The following CACNA1C variants were observed in gnomAD, a reference collection of about 807,000 sequenced individuals.
The protein encoded by CACNA1C is voltage-dependent L-type calcium channel subunit alpha-1C.
In CACNA1C, 30 loss-of-function variants were observed where a neutral mutation model predicts 229.0. The observed-to-expected ratio is 0.13, with a 90% confidence interval of 0.10 to 0.18. CACNA1C has a LOEUF of 0.18. Ranked by LOEUF, CACNA1C falls within the 10% of genes least tolerant of loss-of-function variation. CACNA1C has a pLI of 1.00. For missense variants in CACNA1C, 1,658 were observed against 2,845.0 expected, an observed-to-expected ratio of 0.58 and a Z score of 9.49; for synonymous variants, 1,114 against 1,132.5, an observed-to-expected ratio of 0.98 and a Z score of 0.33.
At chr12:2,490,338 A>G (rs1025120786) in intron 6 of CACNA1C, among the ~76,000 whole-genome samples, 1 of 152,244 alleles carries the variant, frequency 6.6e-6, no homozygotes, top group African/African-American at 2.4e-5. Context: ...GTGATGTTTC[A>G]GGAACTGAGA....
At chr12:2,129,528 A>G (rs1391556233) in intron 3 of CACNA1C, among the ~76,000 whole-genome samples, 1 of 152,182 alleles carries the variant, frequency 6.6e-6, no homozygotes, top group Non-Finnish European at 1.5e-5. Flanking sequence ...TTCACTGTTT[A>G]TGTAATAGAA....
chr12:2,041,832 C>T (rs981500967), intron 1 of CACNA1C, among the ~76,000 whole-genome samples: 5 of 152,196 alleles, frequency 3.3e-5, no homozygotes, highest in African/African-American at 4.8e-5. Flanking sequence ...GTTCAGTGGC[C>T]GGGGCTGCCG....
At chr12:2,406,257 A>G (rs1407428267) in intron 3 of CACNA1C, among the ~76,000 whole-genome samples, 1 of 152,028 alleles carries the variant, frequency 6.6e-6, no homozygotes, top group Non-Finnish European at 1.5e-5. Flanking sequence ...GGCTTATCCT[A>G]TTTTGGCTTC....
intron 38 of CACNA1C, among the ~76,000 whole-genome samples, chr12:2,669,384 A>G (rs1285477586): frequency 6.6e-6 from 1 of 152,174 alleles, no homozygotes; most frequent in African/African-American, 2.4e-5. Context: ...AAGTTTACGA[A>G]TATGTGTTGG....
intron 2 of CACNA1C, among the ~76,000 whole-genome samples, chr12:2,119,215 A>G (rs895989922): frequency 6.6e-6 from 1 of 152,172 alleles, no homozygotes; most frequent in Admixed American, 6.5e-5. Context: ...TTTCTGCCTC[A>G]ATATTCACTA....
chr12:2,289,873 C>A (rs77734281), intron 3 of CACNA1C, among the ~76,000 whole-genome samples: 4 of 152,110 alleles, frequency 2.6e-5, no homozygotes, highest in Non-Finnish European at 5.9e-5. Flanking sequence ...AGGAAATTCG[C>A]GTCAAGTCAC....
chr12:2,295,308 A>AC (rs1251834073), intron 3 of CACNA1C, among the ~76,000 whole-genome samples: 5 of 152,026 alleles, frequency 3.3e-5, no homozygotes, highest in African/African-American at 1.2e-4. Flanking sequence ...ACCTCTGGCA[A>AC]CCCCAACTAA....
intron 3 of CACNA1C, among the ~76,000 whole-genome samples, chr12:2,379,676 G>C (rs930656316): frequency 6.6e-6 from 1 of 152,170 alleles, no homozygotes; most frequent in African/African-American, 2.4e-5. Context: ...TCATCTGGAA[G>C]TGACATTGAG....
At chr12:2,055,417 A>G (rs1470099728) in intron 1 of CACNA1C, among the ~76,000 whole-genome samples, 1 of 152,220 alleles carries the variant, frequency 6.6e-6, no homozygotes, top group East Asian at 1.9e-4. Context: ...TGTGGTAATA[A>G]TAGTGATTAT....
chr12:2,290,916 T>C (rs2093426916), intron 3 of CACNA1C, among the ~76,000 whole-genome samples: 1 of 152,222 alleles, frequency 6.6e-6, no homozygotes, highest in Non-Finnish European at 1.5e-5. Flanking sequence ...ATAGCCCTTC[T>C]GTGGCTTCCT....
intron 33 of CACNA1C, 70 bp from the exon 34 acceptor site, chr12:2,655,077 G>A (rs1409629990): frequency 1.1e-6 from 1 of 940,944 alleles, no homozygotes; most frequent in Non-Finnish European, 1.7e-6. Context: ...AGAGACCATT[G>A]AACAATGGTG....
chr12:2,648,590 T>G (rs2239127), intron 31 of CACNA1C, 83 bp downstream of exon 31: 8 of 1,261,408 alleles, frequency 6.3e-6, no homozygotes, highest in Middle Eastern at 1.9e-4. Context: ...AACTCCAGAG[T>G]CCCTGGGAGC....
At chr12:2,144,605 G>T (rs1440543923) in intron 3 of CACNA1C, among the ~76,000 whole-genome samples, 3 of 151,156 alleles carry the variant, frequency 2.0e-5, no homozygotes, top group Non-Finnish European at 4.4e-5. Context: ...AAAATGTTTA[G>T]GTTTGGGGTG....
intron 3 of CACNA1C, among the ~76,000 whole-genome samples, chr12:2,413,074 G>C (rs895158015): frequency 6.6e-6 from 1 of 152,242 alleles, no homozygotes; most frequent in African/African-American, 2.4e-5. Flanking sequence ...CTGGAGTGCA[G>C]TGGCGTGATC....
intron 3 of CACNA1C, among the ~76,000 whole-genome samples, chr12:2,190,494 C>T (rs1350596107): frequency 6.6e-6 from 1 of 152,184 alleles, no homozygotes; most frequent in Non-Finnish European, 1.5e-5. Flanking sequence ...TTCCACTAGG[C>T]CCTGCCAGCC....
chr12:2,503,333 T>C (rs1288334889), intron 7 of CACNA1C, among the ~76,000 whole-genome samples: 1 of 152,244 alleles, frequency 6.6e-6, no homozygotes, highest in Non-Finnish European at 1.5e-5. Context: ...TTTGGGTTTC[T>C]ATGAGCTAGT....
chr12:2,106,562 C>T (rs1268643905), intron 1 of CACNA1C, among the ~76,000 whole-genome samples: 15 of 118,752 alleles, frequency 1.3e-4, no homozygotes, highest in Admixed American at 1.2e-3. Flanking sequence ...TCCACCTCAG[C>T]TGGGCATCCT....
intron 1 of CACNA1C, among the ~76,000 whole-genome samples, chr12:2,027,669 G>A (rs2047566026): frequency 1.3e-5 from 2 of 152,148 alleles, no homozygotes; most frequent in Admixed American, 1.3e-4. Context: ...CCCTTCCCTG[G>A]AGGCTCACTC....
chr12:1,993,245 T>C (rs755502976), intron 1 of CACNA1C: 2 of 1,613,954 alleles, frequency 1.2e-6, no homozygotes, highest in Non-Finnish European at 1.7e-6. Context: ...AACAACCCAC[T>C]GTAGTAAGAA....
Sources: allele counts gnomAD v4.1 joint callset (sites outside exome capture counted in the v4.1 genomes callset), GRCh38; gene constraint gnomAD v4.1.1; transcripts MANE v1.5; gene names NCBI Gene and HGNC (gene_info 2026-07-23, HGNC 2026-07-21).